Variants in NEMF observed in about 807,000 individuals in gnomAD.
NEMF encodes the protein ribosome quality control complex subunit NEMF.
A neutral mutation model predicts 162.2 loss-of-function variants in NEMF; 89 were observed. That is an observed-to-expected ratio of 0.55 (90% CI 0.46 to 0.65). The LOEUF is 0.65. Among genes scored for constraint, NEMF ranks in the 30% least tolerant of loss-of-function variants. NEMF has a pLI of 0.00. For synonymous variants in NEMF, 421 were observed against 404.5 expected, an observed-to-expected ratio of 1.04 and a Z score of -0.49; for missense variants, 1,133 against 1,261.9, an observed-to-expected ratio of 0.90 and a Z score of 1.55.
At chr14:49,801,635 CAG>C (rs1300871542) in intron 22 of NEMF, 3 of 152,270 alleles carry the variant, frequency 2.0e-5, no homozygotes, top group East Asian at 3.9e-4. Flanking sequence ...ATGACCTTAG[CAG>C]AGAGAATAAC....
intron 16 of NEMF, among the ~76,000 whole-genome samples, chr14:49,822,794 T>C (rs1319981853): frequency 1.3e-5 from 2 of 151,768 alleles, no homozygotes; most frequent in East Asian, 1.9e-4. Flanking sequence ...CCTACTGCCA[T>C]GTTAAGTGAA....
rs748560339 is a variant in NEMF, at chr14:49,832,093, T to C, written c.840A>G (p.Gln280=). Residue 280 remains glutamine, a synonymous_variant, in exon 10 of 33, where the codon CAA becomes CAG. Coordinates refer to ENST00000298310, the MANE Select transcript of NEMF (RefSeq NM_004713.6). ...YEEFHPFLFS[Q]HSQCPYIEFE... Reference sequence around the variant, plus strand: ...ATTCTATATATGGACATTGTGAATGTTGAGAAAACAAGAAAGGATGAAATT... The same window carrying C: ...ATTCTATATATGGACATTGTGAATGCTGAGAAAACAAGAAAGGATGAAATT... 6.2e-7 allele frequency: 1 copy of C among 1,607,528 alleles called. No homozygotes were observed. Among genetic ancestry groups the C allele is most frequent in the Non-Finnish European group, 8.5e-7 (1 of 1,177,868 alleles).
At position 49,832,146 on chromosome 14, in the gene NEMF, T is replaced by A; in HGVS notation, c.807-20A>T. 1 of 1,598,040 alleles carries A rather than the reference T, an allele frequency of 6.3e-7. No homozygotes were observed. Among genetic ancestry groups the A allele is most frequent in the Non-Finnish European group, 8.5e-7 (1 of 1,171,324 alleles). The stretch of plus-strand genomic sequence containing the variant: ...TCATACCTGTAAAACATATTTATTA[T>A]ATCACATTCGAGAACATTAACAAAC... On this transcript the variant is annotated intron_variant, in intron 9 of 32. Transcript: ENST00000298310.
chr14:49,831,961 T>C (rs1594786710), intron 10 of NEMF, 90 bp downstream of exon 10: 2 of 785,870 alleles, frequency 2.5e-6, no homozygotes, highest in East Asian at 2.7e-5. Context: ...GTAAAGCAAG[T>C]ATAGTTTCAG....
Position 49,785,313 on chromosome 14 carries a change from AGG to A in NEMF, c.2934_2935del (p.Leu979IlefsTer2). 1.2e-6 allele frequency: 2 copies of A among 1,613,216 alleles called. No individual in the cohort carries two copies. Among genetic ancestry groups the A allele is most frequent in the Non-Finnish European group, 1.7e-6 (2 of 1,179,232 alleles). Reference sequence around the variant, plus strand: ...TGGCTGGCCTGTCAAAGAATCAAATAGGTTTTCCTAAAAAGGGAAAATAACAG... The same window carrying A: ...TGGCTGGCCTGTCAAAGAATCAAATATTTTCCTAAAAAGGGAAAATAACAG... On this transcript the variant is annotated frameshift_variant, in exon 30 of 33. Coordinates refer to ENST00000298310, the MANE Select transcript of NEMF (RefSeq NM_004713.6). LOFTEE classifies it high-confidence loss of function.
intron 16 of NEMF, among the ~76,000 whole-genome samples, chr14:49,821,615 T>C (rs561015025): frequency 9.7e-6 from 1 of 102,704 alleles, no homozygotes; most frequent in African/African-American, 3.8e-5. Flanking sequence ...CCCGGCCAGC[T>C]GCCCCGTCCG....
rs1010174994 is a variant in NEMF at position 49,815,534 on chromosome 14, T to C, written c.1578-677A>G. On this transcript the variant is annotated intron_variant, in intron 16 of 32. Coordinates refer to ENST00000298310, the MANE Select transcript of NEMF (RefSeq NM_004713.6). ...TTTAATCCACACTTTTTAAAACTTT[T>C]GGTTAAAAATGGTAGACTAAGCACA... 2.4e-4 allele frequency among the ~76,000 whole-genome samples: 36 copies of C among 152,202 alleles called. 1 individual carries two copies. Among genetic ancestry groups the C allele is most frequent in the Non-Finnish European group, 8.8e-5 (6 of 68,026 alleles).
At chr14:49,811,847 T>C (rs1215941998) in intron 18 of NEMF, among the ~76,000 whole-genome samples, 1 of 152,228 alleles carries the variant, frequency 6.6e-6, no homozygotes. Context: ...TGCTAATATT[T>C]TGTCAAAGAT....
intron 3 of NEMF, among the ~76,000 whole-genome samples, chr14:49,848,896 C>G (rs1028549412): frequency 6.9e-6 from 1 of 144,106 alleles, no homozygotes; most frequent in Admixed American, 6.9e-5. Flanking sequence ...TAATCTAAGA[C>G]CACCTTCAAA....
chr14:49,843,842 T>C (rs1294740134), intron 4 of NEMF, among the ~76,000 whole-genome samples: 1 of 152,230 alleles, frequency 6.6e-6, no homozygotes, highest in Non-Finnish European at 1.5e-5. Context: ...CTCATGCCTG[T>C]GATCCCAGCA....
chr14:49,786,616 C>A (rs990032139), intron 29 of NEMF, 102 bp downstream of exon 29: 1 of 1,155,666 alleles, frequency 8.7e-7, no homozygotes, highest in African/African-American at 1.5e-5. Context: ...AGCCTGCAGT[C>A]TTGTCTTAGG....
In NEMF at chr14:49,800,475, C is replaced by T. The variant is rs147048207; in HGVS notation, c.2317G>A (p.Glu773Lys). The change falls in exon 23 of 33, where the codon GAG becomes AAG. Residue 773 changes from glutamate (E) to lysine (K), a missense_variant. Physicochemically the swap from Glu to Lys is moderately conservative, Grantham distance 56. This residue lies in a region of NEMF where 532 missense variants were observed against 578.6 expected (regional missense o/e 0.92). Coordinates refer to ENST00000298310, the MANE Select transcript of NEMF (RefSeq NM_004713.6). ...SVGEMKDEGE[E>K]TLNYPDTTID... Reference sequence around the variant, plus strand: ...GTAGTATCAGGATAATTTAATGTCTCTTCCCCTTCATCCTTCATTTCACCA... The same window carrying T: ...GTAGTATCAGGATAATTTAATGTCTTTTCCCCTTCATCCTTCATTTCACCA... The T allele has an allele frequency of 2.7e-4, 435 of 1,604,790 alleles. 1 individual carries two copies. In the African/African-American group the frequency reaches 5.4e-3, roughly 20 times the overall value.
chr14:49,851,830 CTTA>C lies in NEMF; in HGVS notation c.102_104del (p.Asn34del), dbSNP rs1893793167. On this transcript the variant is annotated inframe_deletion, in exon 2 of 33. Transcript: ENST00000298310. ...ACTTTTGAAGACGAATAAGGTATGT[CTTA>C]TTATCCACATCATAAACATTGTTTA... 1.3e-6 allele frequency: 2 copies of C among 1,584,478 alleles called. No homozygotes were observed. Among genetic ancestry groups the C allele is most frequent in the Non-Finnish European group, 8.6e-7 (1 of 1,160,626 alleles).
At chr14:49,834,184 A>C in intron 7 of NEMF, 179 bp downstream of exon 7, 2 of 590,952 alleles carry the variant, frequency 3.4e-6, no homozygotes, top group Non-Finnish European at 6.2e-6. Context: ...TCAAACACCC[A>C]GGCTTAAGTG....
At chr14:49,832,676 G>T (rs1186337874) in intron 8 of NEMF, among the ~76,000 whole-genome samples, 1 of 151,956 alleles carries the variant, frequency 6.6e-6, no homozygotes, top group Non-Finnish European at 1.5e-5. Flanking sequence ...TAATCCAAAG[G>T]TTTACTTTCT....
chr14:49,845,973 A>C, intron 4 of NEMF, 167 bp downstream of exon 4: 1 of 566,818 alleles, frequency 1.8e-6, no homozygotes. Context: ...AGATAAAATG[A>C]AGGTTATTAC....
intron 5 of NEMF, among the ~76,000 whole-genome samples, chr14:49,838,553 A>C (rs1893020427): frequency 6.6e-6 from 1 of 151,800 alleles, no homozygotes; most frequent in South Asian, 2.1e-4. Context: ...TGGTTTACCT[A>C]ATTAAGCATC....
At chr14:49,823,493 T>C (rs1025513493) in intron 16 of NEMF, among the ~76,000 whole-genome samples, 2 of 151,520 alleles carry the variant, frequency 1.3e-5, no homozygotes, top group Non-Finnish European at 2.9e-5. Flanking sequence ...TGATAGGAAG[T>C]AATAAAATAT....
In NEMF at chr14:49,782,375, G is replaced by A; in HGVS notation, c.*2261C>T. The stretch of plus-strand genomic sequence containing the variant: ...CGTTTTTGTTTTAAATGCAGGTTAT[G>A]GCACACAGCTTGTGCCAGCGATGAA... On this transcript the variant is annotated 3_prime_UTR_variant, in exon 33 of 33. Coordinates refer to ENST00000298310, the MANE Select transcript of NEMF (RefSeq NM_004713.6). 1 of 1,608,066 alleles carries A rather than the reference G, an allele frequency of 6.2e-7. No homozygotes were observed. Among genetic ancestry groups the A allele is most frequent in the Non-Finnish European group, 8.5e-7 (1 of 1,176,630 alleles).
Sources: gnomAD v4.1 joint callset for allele counts (sites outside exome capture counted in the v4.1 genomes callset) on GRCh38, gnomAD v4.1.1 for gene constraint, gnomAD v4.1.1 regional missense constraint, MANE v1.5 for transcripts, NCBI Gene and HGNC (gene_info 2026-07-23, HGNC 2026-07-21) for gene names.